TRAPPC9: variants seen among roughly 807,000 people sequenced by gnomAD.
The protein encoded by TRAPPC9 is trafficking protein particle complex subunit 9, also known as IKK2 binding protein.
In TRAPPC9, 83 loss-of-function variants were observed where a neutral mutation model predicts 124.0. The ratio of observed to expected loss-of-function variants is 0.67; its 90% CI spans 0.56 to 0.80. The LOEUF (loss-of-function observed/expected upper bound fraction) is 0.80. Ranked by LOEUF, TRAPPC9 falls within the 30% of genes least tolerant of loss-of-function variation. The pLI, the probability that TRAPPC9 is intolerant of heterozygous loss-of-function variation, is 0.00. For missense variants in TRAPPC9, 1,302 were observed against 1,508.3 expected (o/e 0.86, Z 2.27); for synonymous variants, 638 against 617.5 (o/e 1.03, Z -0.49).
chr8:139,998,596 C>T (rs1335525336), intron 18 of TRAPPC9, among the ~76,000 whole-genome samples: 3 of 152,244 alleles, frequency 2.0e-5, no homozygotes, highest in Admixed American at 2.0e-4. Context: ...CTGGTGGGCA[C>T]CTGTAGTCCC....
chr8:139,926,805 T>C (rs915986706), intron 19 of TRAPPC9, among the ~76,000 whole-genome samples: 2 of 151,896 alleles, frequency 1.3e-5, no homozygotes, highest in African/African-American at 2.4e-5. Flanking sequence ...AACTTGAAGA[T>C]AGACAAGTCA....
chr8:140,197,821 A>C (rs12114472), intron 17 of TRAPPC9, among the ~76,000 whole-genome samples: 104,081 of 152,086 alleles, frequency 0.68, 36,030 homozygotes, highest in African/African-American at 0.79. Flanking sequence ...AAGGGCAGGG[A>C]AGGTGGTCTT....
At chr8:139,762,761 G>C (rs764017586) in intron 21 of TRAPPC9, among the ~76,000 whole-genome samples, 3 of 152,170 alleles carry the variant, frequency 2.0e-5, no homozygotes, top group African/African-American at 2.4e-5. Context: ...AAGGTGCGGA[G>C]GGCACCTGGG....
chr8:139,849,513 G>A (rs1476516776), intron 21 of TRAPPC9, among the ~76,000 whole-genome samples: 1 of 152,228 alleles, frequency 6.6e-6, no homozygotes, highest in Non-Finnish European at 1.5e-5. Context: ...ATGTCTTAAG[G>A]AAATTATGGA....
intron 9 of TRAPPC9, among the ~76,000 whole-genome samples, chr8:140,357,753 CG>C (rs2067796415): frequency 1.3e-5 from 2 of 152,184 alleles, no homozygotes; most frequent in South Asian, 4.1e-4. Context: ...TGCTCCCTCC[CG>C]TCACCGAAAC....
rs1587096256 is a variant in TRAPPC9 at position 139,885,882 on chromosome 8, A to C, written c.3052T>G (p.Trp1018Gly). The C allele has an allele frequency of 6.4e-7, 1 of 1,562,620 alleles. No homozygotes were observed. Among genetic ancestry groups the C allele is most frequent in the Non-Finnish European group, 8.7e-7 (1 of 1,152,844 alleles). The change falls in exon 21 of 23, where the codon TGG (tryptophan) becomes GGG (glycine). Residue 1018 changes from tryptophan (W) to glycine (G), a missense_variant. Trp to Gly is a radical substitution (Grantham distance 184). Transcript: ENST00000438773. ...LEHLQLAPLQ[W>G]DVLVDGQPCD... ...TGGGTGGCTGGCGGGTACTCACCCC[A>C]CTGCAGAGGCGCCAGCTGCAGGTGC...
chr8:140,201,952 TG>T (rs2062800998), intron 17 of TRAPPC9, among the ~76,000 whole-genome samples: 1 of 152,076 alleles, frequency 6.6e-6, no homozygotes, highest in Non-Finnish European at 1.5e-5. Flanking sequence ...TATGGCAGGT[TG>T]GGAAGGGCTC....
At chr8:140,368,516 ATGGGACT>A (rs2132226663) in intron 8 of TRAPPC9, among the ~76,000 whole-genome samples, 1 of 152,208 alleles carries the variant, frequency 6.6e-6, no homozygotes, top group East Asian at 1.9e-4. Flanking sequence ...GGGGAACTTG[ATGGGACT>A]TGGGGGATTT....
chr8:139,739,932 TG>T (rs989357377), intron 21 of TRAPPC9, among the ~76,000 whole-genome samples: 1 of 152,234 alleles, frequency 6.6e-6, no homozygotes, highest in African/African-American at 2.4e-5. Context: ...GAGTGAATAC[TG>T]GGCTTTGGGG....
At chr8:140,363,323 A>G (rs1334607868) in intron 8 of TRAPPC9, among the ~76,000 whole-genome samples, 3 of 152,198 alleles carry the variant, frequency 2.0e-5, no homozygotes, top group Non-Finnish European at 4.4e-5. Context: ...GCTAGTGCAA[A>G]TGTTCATTTC....
At chr8:139,813,400 C>T (rs1033619419) in intron 21 of TRAPPC9, among the ~76,000 whole-genome samples, 2 of 152,236 alleles carry the variant, frequency 1.3e-5, no homozygotes, top group Non-Finnish European at 1.5e-5. Flanking sequence ...CCACGGCCAG[C>T]CCCCTTCTCC....
chr8:139,830,949 C>T (rs1825950964), intron 21 of TRAPPC9, among the ~76,000 whole-genome samples: 2 of 152,256 alleles, frequency 1.3e-5, no homozygotes, highest in Admixed American at 6.5e-5. Flanking sequence ...CAAGCTCCAT[C>T]GCTGGCCGCG....
intron 17 of TRAPPC9, among the ~76,000 whole-genome samples, chr8:140,084,803 G>T (rs1003451102): frequency 3.9e-5 from 6 of 152,208 alleles, no homozygotes; most frequent in Non-Finnish European, 8.8e-5. Context: ...TTCCTCCCTT[G>T]GAGACGTTTA....
At chr8:140,138,433 C>T (rs1031345791) in intron 17 of TRAPPC9, among the ~76,000 whole-genome samples, 5 of 152,112 alleles carry the variant, frequency 3.3e-5, no homozygotes, top group Non-Finnish European at 7.4e-5. Context: ...AGAAGGGGCT[C>T]GGGAGAGGTA....
intron 21 of TRAPPC9, among the ~76,000 whole-genome samples, chr8:139,865,268 G>A (rs533840499): frequency 3.3e-5 from 5 of 152,342 alleles, no homozygotes; most frequent in African/African-American, 9.6e-5. Flanking sequence ...ATGTCCATGC[G>A]TTCTGGTCTG....
chr8:140,282,658 G>T (rs1019183358), intron 14 of TRAPPC9, among the ~76,000 whole-genome samples: 2 of 152,026 alleles, frequency 1.3e-5, no homozygotes, highest in African/African-American at 4.8e-5. Context: ...GCGCTTTGTT[G>T]AAGCAATTAA....
chr8:140,222,851 C>G (rs1043116555), intron 16 of TRAPPC9, among the ~76,000 whole-genome samples: 3 of 152,100 alleles, frequency 2.0e-5, no homozygotes, highest in Non-Finnish European at 2.9e-5. Context: ...GAGAACAAAC[C>G]ACCAGAGGCA....
intron 17 of TRAPPC9, among the ~76,000 whole-genome samples, chr8:140,041,191 C>T (rs1194195328): frequency 6.6e-6 from 1 of 152,142 alleles, no homozygotes; most frequent in Non-Finnish European, 1.5e-5. Context: ...TGACAGTTTC[C>T]ATCCCTGGAC....
chr8:140,403,820 G>C (rs952026977), intron 6 of TRAPPC9, among the ~76,000 whole-genome samples: 1 of 152,060 alleles, frequency 6.6e-6, no homozygotes, highest in African/African-American at 2.4e-5. Context: ...ACCACATCTG[G>C]CTAATTTTTT....
Sources: allele counts gnomAD v4.1 joint callset (sites outside exome capture counted in the v4.1 genomes callset), GRCh38; gene constraint gnomAD v4.1.1; transcripts MANE v1.5; gene names NCBI Gene and HGNC (gene_info 2026-07-23, HGNC 2026-07-21).